Variants in MYO5A observed in about 807,000 individuals in gnomAD.
MYO5A encodes the protein myosin VA, also known as unconventional myosin-Va.
A neutral mutation model predicts 249.7 loss-of-function variants in MYO5A; 98 were observed. That is an observed-to-expected ratio of 0.39 (90% CI 0.33 to 0.46). MYO5A has a LOEUF of 0.46. MYO5A is among the 20% of genes least tolerant of loss of function. The pLI, the probability that MYO5A is intolerant of heterozygous loss-of-function variation, is 0.98. For missense variants in MYO5A, 1,696 were observed against 2,308.8 expected (o/e 0.73, Z 5.44); for synonymous variants, 778 against 810.6 (o/e 0.96, Z 0.68).
chr15:52,416,168 A>G lies in MYO5A; in HGVS notation c.589T>C (p.Leu197=), dbSNP rs756829916. 57 of 1,613,956 alleles carry G rather than the reference A, an allele frequency of 3.5e-5. No individual in the cohort carries two copies. Among genetic ancestry groups the G allele is most frequent in the Non-Finnish European group, 4.4e-5 (52 of 1,179,962 alleles). ...ACCTCCATGATGGGGTTGGAGGCCAAGACCTTTTCCTCCACATTGGCCTCA... is the reference window on the plus strand; with the variant it reads ...ACCTCCATGATGGGGTTGGAGGCCAGGACCTTTTCCTCCACATTGGCCTCA... ...ASEANVEEKV[L]ASNPIMESIG... Residue 197 remains leucine (L), a synonymous_variant, in exon 5 of 42, where the codon TTG becomes CTG. Transcript: ENST00000399233.
chr15:52,397,862 A>G (rs2042557127), intron 9 of MYO5A, among the ~76,000 whole-genome samples: 1 of 152,228 alleles, frequency 6.6e-6, no homozygotes. Flanking sequence ...ACTTGGGGAA[A>G]TGGGTATTAA....
At chr15:52,343,229 A>C in intron 30 of MYO5A, 32 bp from the exon 31 acceptor site, 1 of 1,545,630 alleles carries the variant, frequency 6.5e-7, no homozygotes, top group African/African-American at 1.4e-5. Context: ...AATGCAAAAC[A>C]CAAAAGGATA....
intron 24 of MYO5A, among the ~76,000 whole-genome samples, chr15:52,360,302 A>T (rs1187854314): frequency 6.6e-6 from 1 of 152,220 alleles, no homozygotes; most frequent in East Asian, 1.9e-4. Flanking sequence ...TGCAAAACCA[A>T]ATGCCCAAAT....
Position 52,327,989 on chromosome 15 carries a change from C to T in MYO5A, c.4573G>A (p.Val1525Ile), listed in dbSNP as rs749002233. The change falls in exon 36 of 42, where the codon GTA becomes ATA. Residue 1525 changes from valine (V) to isoleucine (I), a missense_variant. By Grantham distance (29) the Val-to-Ile change is conservative. Transcript: ENST00000399233. ...NLILELKPRG[V>I]AVNLIPGLPA... ...AATCCTGGAATCAAATTGACTGCTA[C>T]ACCACGTGGCTTCAGTTCTAAAAAA... 1.9e-6 allele frequency: 3 copies of T among 1,613,378 alleles called. No homozygotes were observed. The highest frequency in any genetic ancestry group is 1.1e-5 in the South Asian group (1 of 90,982).
Position 52,459,146 on chromosome 15 carries a change from A to ATTTTTTTTTTTT in MYO5A, c.28-25862_28-25861insAAAAAAAAAAAA, listed in dbSNP as rs199923318. The stretch of plus-strand genomic sequence containing the variant: ...TCCTGAGTAGCTGGGATTTTCCAGA[A>ATTTTTTTTTTTT]ATTTTTTTTTTTTTTTTTTTTTTTT... On this transcript the variant is annotated intron_variant, in intron 1 of 41. Coordinates refer to ENST00000399233, the MANE Select transcript of MYO5A (RefSeq NM_001382347.1). 5.7e-4 allele frequency among the ~76,000 whole-genome samples: 28 copies of ATTTTTTTTTTTT among 49,078 alleles called. 1 individual carries two copies. Among genetic ancestry groups the ATTTTTTTTTTTT allele is most frequent in the African/African-American group, 9.2e-4 (16 of 17,434 alleles). 32.2% of individuals were successfully genotyped at this position (49,078 alleles called of 152,430 possible).
At position 52,319,472 on chromosome 15, in the gene MYO5A, A is replaced by T. The variant is rs142146392; in HGVS notation, c.4952-130T>A. 804 of 1,047,444 alleles carry T rather than the reference A, an allele frequency of 7.7e-4. 7 individuals carry two copies. In the East Asian group the frequency reaches 0.012, roughly 15 times the overall value. 64.9% of individuals were successfully genotyped at this position (1,047,444 alleles called of 1,614,324 possible). Reference sequence around the variant, plus strand: ...GCTGGGCACGGTGGCTCACATCTGTAATCCCAGCACTTTGGGAGGCCGCCG... The same window carrying T: ...GCTGGGCACGGTGGCTCACATCTGTTATCCCAGCACTTTGGGAGGCCGCCG... On this transcript the variant is annotated intron_variant, in intron 38 of 41. Transcript: ENST00000399233.
At chr15:52,322,575 T>C (rs113164000) in intron 37 of MYO5A, among the ~76,000 whole-genome samples, 2 of 152,252 alleles carry the variant, frequency 1.3e-5, no homozygotes, top group African/African-American at 4.8e-5. Flanking sequence ...TAAGAATTAA[T>C]GATCATAAAT....
intron 1 of MYO5A, among the ~76,000 whole-genome samples, chr15:52,451,187 C>A (rs1346598159): frequency 6.6e-6 from 1 of 152,118 alleles, no homozygotes; most frequent in African/African-American, 2.4e-5. Flanking sequence ...CTCAGACAGG[C>A]ACCTCTACGC....
chr15:52,371,580 G>C (rs1347016476), intron 21 of MYO5A, among the ~76,000 whole-genome samples: 1 of 152,062 alleles, frequency 6.6e-6, no homozygotes, highest in East Asian at 1.9e-4. Context: ...AGCATTAGTA[G>C]ATCTCTGTTC....
chr15:52,335,583 C>A (rs1320946985), intron 34 of MYO5A, among the ~76,000 whole-genome samples: 1 of 150,248 alleles, frequency 6.7e-6, no homozygotes, highest in African/African-American at 2.5e-5. Flanking sequence ...ATCCCTGTAC[C>A]TATAACTCTT....
chr15:52,358,241 C>T (rs1038567420), intron 25 of MYO5A, among the ~76,000 whole-genome samples: 2 of 152,148 alleles, frequency 1.3e-5, no homozygotes, highest in African/African-American at 4.8e-5. Flanking sequence ...TCATGGCTTC[C>T]CCCTACCAGC....
intron 1 of MYO5A, among the ~76,000 whole-genome samples, chr15:52,473,040 T>C (rs1031390686): frequency 6.6e-6 from 1 of 152,182 alleles, no homozygotes; most frequent in Admixed American, 6.5e-5. Context: ...TTCTCCACAT[T>C]CTCTCCGGCA....
chr15:52,349,710 T>G (rs1177634214), intron 28 of MYO5A, among the ~76,000 whole-genome samples: 1 of 152,198 alleles, frequency 6.6e-6, no homozygotes. Flanking sequence ...TAACATTTTT[T>G]TAAGAAAGAA....
At chr15:52,343,061 G>C in intron 31 of MYO5A, 56 bp downstream of exon 31, 1 of 1,434,784 alleles carries the variant, frequency 7.0e-7, no homozygotes, top group South Asian at 1.1e-5. Context: ...GGAGGTCACT[G>C]TTAGTAAGAA....
At chr15:52,491,966 G>A (rs2141541367) in intron 1 of MYO5A, among the ~76,000 whole-genome samples, 1 of 152,282 alleles carries the variant, frequency 6.6e-6, no homozygotes, top group Non-Finnish European at 1.5e-5. Flanking sequence ...CTTACAATAA[G>A]TGTCAACCAG....
At chr15:52,334,473 T>C (rs1011557885) in intron 34 of MYO5A, among the ~76,000 whole-genome samples, 1 of 152,172 alleles carries the variant, frequency 6.6e-6, no homozygotes, top group Non-Finnish European at 1.5e-5. Flanking sequence ...GTGTGTGATG[T>C]GGAGGCTCAA....
chr15:52,455,763 C>A (rs2076105493), intron 1 of MYO5A, among the ~76,000 whole-genome samples: 1 of 75,962 alleles, frequency 1.3e-5, no homozygotes, highest in Non-Finnish European at 2.8e-5. Context: ...ATTCAACATC[C>A]CTTCATGATA....
intron 1 of MYO5A, among the ~76,000 whole-genome samples, chr15:52,500,980 T>G (rs1037117832): frequency 6.6e-6 from 1 of 152,020 alleles, no homozygotes; most frequent in African/African-American, 2.4e-5. Context: ...AGAAAACTTT[T>G]TTTTTTTGAG....
chr15:52,339,744 C>G (rs2039293740), intron 32 of MYO5A, among the ~76,000 whole-genome samples: 1 of 152,226 alleles, frequency 6.6e-6, no homozygotes, highest in African/African-American at 2.4e-5. Flanking sequence ...TGCCAACCGC[C>G]TTTCTCAACC....
Sources: gnomAD v4.1 joint callset for allele counts (sites outside exome capture counted in the v4.1 genomes callset) on GRCh38, gnomAD v4.1.1 for gene constraint, MANE v1.5 for transcripts, NCBI Gene and HGNC (gene_info 2026-07-23, HGNC 2026-07-21) for gene names.